The following RAPGEF5 variants were observed in gnomAD, a reference collection of about 807,000 sequenced individuals.
RAPGEF5 encodes the protein M-Ras-regulated GEF.
RAPGEF5 carries 65 observed loss-of-function variants against 125.2 expected under a neutral mutation model. That is an observed-to-expected ratio of 0.52 (90% CI 0.43 to 0.64). RAPGEF5 has a LOEUF of 0.64. Among genes scored for constraint, RAPGEF5 ranks in the 30% least tolerant of loss-of-function variants. The probability of loss-of-function intolerance (pLI) is 0.00; values close to 1 mark genes in which losing one functional copy is unlikely to be tolerated. For synonymous variants in RAPGEF5, 391 were observed against 385.9 expected (o/e 1.01, Z -0.16); for missense variants, 958 against 1,048.1 (o/e 0.91, Z 1.19).
chr7:22,145,022 A>G (rs1385879145), intron 20 of RAPGEF5, 22 bp downstream of exon 20: 1 of 1,607,720 alleles, frequency 6.2e-7, no homozygotes, highest in Non-Finnish European at 8.5e-7. Flanking sequence ...GAGGAATGGC[A>G]CTTCTCACAC....
At chr7:22,266,280 T>C (rs1395738044) in intron 7 of RAPGEF5, among the ~76,000 whole-genome samples, 2 of 152,192 alleles carry the variant, frequency 1.3e-5, no homozygotes, top group African/African-American at 4.8e-5. Context: ...CCATTCAGCA[T>C]TGACCTCCTC....
chr7:22,279,106 G>A (rs1225742268), intron 6 of RAPGEF5, among the ~76,000 whole-genome samples: 2 of 152,072 alleles, frequency 1.3e-5, no homozygotes, highest in East Asian at 3.9e-4. Context: ...GTTTTAAAGA[G>A]AAAATTTTTG....
rs761298070 is a variant in RAPGEF5, at chr7:22,308,315, T to C, written c.680+24A>G. ...ATGTTGTCTAAGTGTAAGAATACAA[T>C]GGCACAAGAGAGCATCTACTTACAG... On this transcript the variant is annotated intron_variant, in intron 5 of 25. Coordinates refer to ENST00000665637, the MANE Select transcript of RAPGEF5 (RefSeq NM_012294.5). 3.2e-6 allele frequency: 5 copies of C among 1,561,606 alleles called. No homozygotes were observed. In the South Asian group the frequency reaches 4.8e-5, roughly 15 times the overall value.
chr7:22,136,839 G>T (rs893282953), intron 22 of RAPGEF5, 94 bp downstream of exon 22: 11 of 1,086,896 alleles, frequency 1.0e-5, no homozygotes, highest in African/African-American at 1.6e-5. Context: ...TACCTGACAC[G>T]GTAGAGTACA....
intron 6 of RAPGEF5, among the ~76,000 whole-genome samples, chr7:22,269,056 G>C (rs923715688): frequency 6.6e-6 from 1 of 151,676 alleles, no homozygotes; most frequent in Non-Finnish European, 1.5e-5. Flanking sequence ...AAATAAATGA[G>C]ATTACTGTAC....
chr7:22,157,348 T>G (rs1783842652), intron 15 of RAPGEF5, among the ~76,000 whole-genome samples: 1 of 152,218 alleles, frequency 6.6e-6, no homozygotes, highest in Admixed American at 6.5e-5. Flanking sequence ...TGCTGTTCAT[T>G]ATGATTATCC....
chr7:22,185,390 G>C (rs1784797032), intron 11 of RAPGEF5, among the ~76,000 whole-genome samples: 1 of 152,192 alleles, frequency 6.6e-6, no homozygotes, highest in Non-Finnish European at 1.5e-5. Context: ...CTGGCCTAAA[G>C]CCTCTGCTTT....
chr7:22,196,524 G>A (rs1271810148), intron 9 of RAPGEF5, among the ~76,000 whole-genome samples: 1 of 152,182 alleles, frequency 6.6e-6, no homozygotes, highest in Non-Finnish European at 1.5e-5. Context: ...GACACCAAGC[G>A]GCAAGTGAAA....
chr7:22,254,438 G>A (rs934549148), intron 7 of RAPGEF5, among the ~76,000 whole-genome samples: 4 of 151,060 alleles, frequency 2.6e-5, no homozygotes, highest in Admixed American at 6.6e-5. Context: ...GAGAAACCCC[G>A]TCTCTACTGA....
At chr7:22,308,543 A>T in intron 4 of RAPGEF5, 36 bp from the exon 5 acceptor site, 1 of 1,407,108 alleles carries the variant, frequency 7.1e-7, no homozygotes, top group Non-Finnish European at 9.5e-7. Flanking sequence ...TCAATTTTTT[A>T]AAAGATATTA....
chr7:22,154,400 T>A, intron 17 of RAPGEF5, 55 bp downstream of exon 17: 1 of 1,588,502 alleles, frequency 6.3e-7, no homozygotes, highest in Non-Finnish European at 8.6e-7. Context: ...GTCACCTCCC[T>A]CCTTTTGAAG....
intron 2 of RAPGEF5, among the ~76,000 whole-genome samples, chr7:22,316,489 A>ATATATATATT (rs1201099897): frequency 3.9e-5 from 2 of 50,640 alleles, no homozygotes; most frequent in African/African-American, 1.6e-4. Flanking sequence ...ATATATATAT[A>ATATATATATT]TTTTTTTTTT....
chr7:22,269,787 G>C (rs1397913090), intron 6 of RAPGEF5, among the ~76,000 whole-genome samples: 1 of 152,218 alleles, frequency 6.6e-6, no homozygotes, highest in Admixed American at 6.5e-5. Context: ...TCCAGTGCCA[G>C]TTGAGCCTTC....
chr7:22,333,474 G>T (rs1212740037), intron 1 of RAPGEF5, among the ~76,000 whole-genome samples: 1 of 152,186 alleles, frequency 6.6e-6, no homozygotes, highest in Non-Finnish European at 1.5e-5. Context: ...TTCAACAAAA[G>T]AATGGACAGC....
chr7:22,326,071 T>C (rs562343313), intron 1 of RAPGEF5, among the ~76,000 whole-genome samples: 2 of 152,360 alleles, frequency 1.3e-5, no homozygotes, highest in South Asian at 2.1e-4. Flanking sequence ...TTCTTTGGCA[T>C]CTGGATATAA....
At chr7:22,266,322 C>T (rs1000299246) in intron 7 of RAPGEF5, among the ~76,000 whole-genome samples, 2 of 152,108 alleles carry the variant, frequency 1.3e-5, no homozygotes, top group Non-Finnish European at 2.9e-5. Flanking sequence ...ACTGACATTC[C>T]TCCCATCTAA....
chr7:22,329,836 C>T (rs934745281), intron 1 of RAPGEF5, among the ~76,000 whole-genome samples: 2 of 152,118 alleles, frequency 1.3e-5, no homozygotes, highest in Admixed American at 1.3e-4. Flanking sequence ...CAGGCAGGTA[C>T]AAGATATTTT....
chr7:22,352,696 A>C (rs1583599405), intron 1 of RAPGEF5, among the ~76,000 whole-genome samples: 1 of 152,240 alleles, frequency 6.6e-6, no homozygotes, highest in Non-Finnish European at 1.5e-5. Context: ...GAGATTGTTA[A>C]AGCACCAAAT....
At chr7:22,139,997 C>T (rs770639661) in intron 21 of RAPGEF5, 28 bp downstream of exon 21, 39 of 1,513,176 alleles carry the variant, frequency 2.6e-5, no homozygotes, top group Non-Finnish European at 3.2e-5. Flanking sequence ...ATTTTATGTG[C>T]CCCTCACCAT....
Sources: allele counts gnomAD v4.1 joint callset (sites outside exome capture counted in the v4.1 genomes callset), GRCh38; gene constraint gnomAD v4.1.1; transcripts MANE v1.5; gene names NCBI Gene and HGNC (gene_info 2026-07-23, HGNC 2026-07-21).